ST6GALNAC3: variants seen among roughly 807,000 people sequenced by gnomAD.
The protein encoded by ST6GALNAC3 is alpha-N-acetylgalactosaminide alpha-2,6-sialyltransferase 3.
In ST6GALNAC3, 25 loss-of-function variants were observed where a neutral mutation model predicts 32.7. The ratio of observed to expected loss-of-function variants is 0.76; its 90% CI spans 0.56 to 1.07. The LOEUF is 1.07. ST6GALNAC3 is among the 50% of genes least tolerant of loss of function. The probability of loss-of-function intolerance (pLI) is 0.00; values close to 1 mark genes in which losing one functional copy is unlikely to be tolerated. For missense variants in ST6GALNAC3, 355 were observed against 382.4 expected (o/e 0.93, Z 0.60); for synonymous variants, 129 against 133.1 (o/e 0.97, Z 0.21).
At chr1:76,475,242 C>A (rs58266418) in intron 3 of ST6GALNAC3, among the ~76,000 whole-genome samples, 1 of 152,110 alleles carries the variant, frequency 6.6e-6, no homozygotes, top group African/African-American at 2.4e-5. Context: ...TGTAGTGTAG[C>A]GGCTTACGCT....
chr1:76,175,502 A>G (rs453606), intron 1 of ST6GALNAC3, among the ~76,000 whole-genome samples: 141,654 of 151,600 alleles, frequency 0.93, 66,952 homozygotes, highest in East Asian at 1. Context: ...AACCCCCTGA[A>G]TCAGCTGCCC....
chr1:76,212,393 G>C (rs1235926291), intron 1 of ST6GALNAC3, among the ~76,000 whole-genome samples: 1 of 152,102 alleles, frequency 6.6e-6, no homozygotes, highest in African/African-American at 2.4e-5. Context: ...CGGCAGGCTG[G>C]GGCCCCCAGC....
At chr1:76,347,971 G>A (rs1648657365) in intron 2 of ST6GALNAC3, among the ~76,000 whole-genome samples, 1 of 152,128 alleles carries the variant, frequency 6.6e-6, no homozygotes, top group Non-Finnish European at 1.5e-5. Context: ...TAAAGAAAAT[G>A]AAACTTTGCA....
chr1:76,447,604 C>T (rs1041339731), intron 3 of ST6GALNAC3, among the ~76,000 whole-genome samples: 3 of 152,104 alleles, frequency 2.0e-5, no homozygotes, highest in South Asian at 2.1e-4. Flanking sequence ...GAGATGGTTT[C>T]GTGGGCCAGG....
At chr1:76,382,759 C>T (rs1417086513) in intron 2 of ST6GALNAC3, among the ~76,000 whole-genome samples, 4 of 152,112 alleles carry the variant, frequency 2.6e-5, no homozygotes, top group African/African-American at 9.7e-5. Context: ...ATATTAATCA[C>T]GACTAGTTTC....
intron 3 of ST6GALNAC3, among the ~76,000 whole-genome samples, chr1:76,477,898 C>T (rs1220956395): frequency 6.6e-6 from 1 of 152,200 alleles, no homozygotes; most frequent in African/African-American, 2.4e-5. Flanking sequence ...AAGGATCTTA[C>T]TCTTTCATGG....
intron 3 of ST6GALNAC3, among the ~76,000 whole-genome samples, chr1:76,573,981 T>C (rs1451491285): frequency 6.6e-6 from 1 of 152,008 alleles, no homozygotes; most frequent in African/African-American, 2.4e-5. Flanking sequence ...TGTTCAAAAT[T>C]CAATAAATAT....
chr1:76,404,026 C>T (rs1274343338), intron 2 of ST6GALNAC3, among the ~76,000 whole-genome samples: 5 of 151,910 alleles, frequency 3.3e-5, no homozygotes, highest in African/African-American at 7.2e-5. Context: ...TCCAAATAAA[C>T]GGAGCATATT....
At chr1:76,152,961 T>C (rs768542501) in intron 1 of ST6GALNAC3, among the ~76,000 whole-genome samples, 1 of 152,210 alleles carries the variant, frequency 6.6e-6, no homozygotes, top group South Asian at 2.1e-4. Context: ...GATATTCCTA[T>C]TGGAAAATGT....
intron 3 of ST6GALNAC3, among the ~76,000 whole-genome samples, chr1:76,620,531 G>C (rs1168754971): frequency 6.6e-6 from 1 of 152,036 alleles, no homozygotes; most frequent in Non-Finnish European, 1.5e-5. Flanking sequence ...TCTGGTGAAG[G>C]CTCTCTTCCT....
At chr1:76,130,747 T>G (rs1649557507) in intron 1 of ST6GALNAC3, among the ~76,000 whole-genome samples, 1 of 152,178 alleles carries the variant, frequency 6.6e-6, no homozygotes, top group Admixed American at 6.5e-5. Flanking sequence ...CAGAGCCCAA[T>G]AGCAAGCAAG....
intron 1 of ST6GALNAC3, among the ~76,000 whole-genome samples, chr1:76,165,143 A>G (rs752066864): frequency 1.2e-4 from 19 of 152,152 alleles, no homozygotes; most frequent in Non-Finnish European, 2.4e-4. Flanking sequence ...CCTGTTAGTT[A>G]TTGTTCCTGA....
At chr1:76,222,011 G>T (rs1015681475) in intron 1 of ST6GALNAC3, among the ~76,000 whole-genome samples, 14 of 152,252 alleles carry the variant, frequency 9.2e-5, no homozygotes, top group African/African-American at 3.4e-4. Context: ...TTACTGGGTG[G>T]TCATCCTCTT....
At chr1:76,306,852 G>A (rs1661092577) in intron 1 of ST6GALNAC3, among the ~76,000 whole-genome samples, 2 of 151,888 alleles carry the variant, frequency 1.3e-5, no homozygotes, top group African/African-American at 4.8e-5. Flanking sequence ...ATTTTATTCA[G>A]GGAGTAGATT....
intron 3 of ST6GALNAC3, among the ~76,000 whole-genome samples, chr1:76,503,474 G>A (rs984708744): frequency 6.6e-5 from 10 of 152,224 alleles, no homozygotes; most frequent in African/African-American, 2.4e-4. Flanking sequence ...TCCTGCTGAG[G>A]TGTTACTGAC....
intron 3 of ST6GALNAC3, among the ~76,000 whole-genome samples, chr1:76,612,773 G>A (rs1648020482): frequency 6.6e-6 from 1 of 152,202 alleles, no homozygotes; most frequent in Admixed American, 6.5e-5. Flanking sequence ...AACCCAGCCT[G>A]AGGTGAATGG....
At chr1:76,635,949 G>T (rs1421885297), downstream of ST6GALNAC3, among the ~76,000 whole-genome samples, 1 of 152,164 alleles carries the variant, frequency 6.6e-6, no homozygotes, top group Non-Finnish European at 1.5e-5. Flanking sequence ...TGATGAACAT[G>T]TAGCTCTTTC....
intron 1 of ST6GALNAC3, among the ~76,000 whole-genome samples, chr1:76,249,054 T>C (rs1307440032): frequency 6.6e-6 from 1 of 152,206 alleles, no homozygotes; most frequent in Non-Finnish European, 1.5e-5. Flanking sequence ...CCCTGAGAGA[T>C]TAGGGTATAT....
intron 3 of ST6GALNAC3, among the ~76,000 whole-genome samples, chr1:76,585,122 C>T (rs1275153154): frequency 5.3e-5 from 8 of 152,132 alleles, no homozygotes; most frequent in African/African-American, 1.7e-4. Flanking sequence ...CAGTGGCTCA[C>T]GCCTGTATTC....
Sources: gnomAD v4.1 joint callset for allele counts (sites outside exome capture counted in the v4.1 genomes callset) on GRCh38, gnomAD v4.1.1 for gene constraint, MANE v1.5 for transcripts, NCBI Gene and HGNC (gene_info 2026-07-23, HGNC 2026-07-21) for gene names.